GRAMD1C: variants seen among roughly 807,000 people sequenced by gnomAD.
The protein encoded by GRAMD1C is GRAM domain containing 1C, also known as protein Aster-C.
In GRAMD1C, 89 loss-of-function variants were observed where a neutral mutation model predicts 97.8. That is an observed-to-expected ratio of 0.91 (90% CI 0.77 to 1.09). GRAMD1C has a LOEUF of 1.09. GRAMD1C is among the 50% of genes least tolerant of loss of function. GRAMD1C has a pLI of 0.00. For synonymous variants in GRAMD1C, 256 were observed against 267.0 expected (o/e 0.96, Z 0.40); for missense variants, 740 against 766.4 (o/e 0.97, Z 0.41).
At chr3:113,936,734 G>A (rs1486981069) in intron 14 of GRAMD1C, 2 of 195,146 alleles carry the variant, frequency 1.0e-5, no homozygotes, top group South Asian at 1.1e-4. Context: ...ATAGGGTCTC[G>A]TTCTGTTGCC....
chr3:113,946,254 C>G lies in GRAMD1C; in HGVS notation c.*776C>G, dbSNP rs1938070284. On this transcript the variant is annotated 3_prime_UTR_variant, in exon 18 of 18. Transcript: ENST00000358160. ...GTGACAGATCAAATGCATACTTGAA[C>G]TAAGATTGGCTTCAGCTTAGCAGTC... 4 of 152,602 alleles carry G rather than the reference C, an allele frequency of 2.6e-5. No homozygotes were observed. The highest frequency in any genetic ancestry group is 2.0e-4 in the Admixed American group (3 of 15,280). The allele number at this position is 152,602 out of a possible 1,614,324, so 9.5% of individuals were successfully genotyped here.
chr3:113,908,868 A>G (rs946549946), intron 8 of GRAMD1C, 90 bp from the exon 9 acceptor site: 12 of 678,514 alleles, frequency 1.8e-5, no homozygotes, highest in Non-Finnish European at 2.5e-5. Context: ...AAAGCTCAAT[A>G]TTTCAAAGTA....
At chr3:113,904,378 C>A in intron 8 of GRAMD1C, 106 bp downstream of exon 8, 2 of 790,196 alleles carry the variant, frequency 2.5e-6, no homozygotes, top group Non-Finnish European at 4.0e-6. Context: ...AATAAGATAT[C>A]AGACTCCTAC....
At chr3:113,942,335 G>A (rs572448618) in intron 17 of GRAMD1C, among the ~76,000 whole-genome samples, 2 of 151,732 alleles carry the variant, frequency 1.3e-5, no homozygotes, top group South Asian at 2.1e-4. Context: ...CTTCACCCTC[G>A]TTTTAATTTC....
chr3:113,862,322 C>T (rs917860369), intron 2 of GRAMD1C, among the ~76,000 whole-genome samples: 2 of 152,142 alleles, frequency 1.3e-5, no homozygotes, highest in South Asian at 2.1e-4. Flanking sequence ...CCTAAAGCGG[C>T]CATTTCAGAG....
chr3:113,856,621 C>A (rs1455547733), intron 2 of GRAMD1C, among the ~76,000 whole-genome samples: 1 of 152,172 alleles, frequency 6.6e-6, no homozygotes, highest in African/African-American at 2.4e-5. Context: ...CTCACTGCAG[C>A]CTCCACCTCC....
At chr3:113,919,583 A>G (rs951047006) in intron 10 of GRAMD1C, 1 of 579,098 alleles carries the variant, frequency 1.7e-6, no homozygotes, top group African/African-American at 1.9e-5. Flanking sequence ...TGCATCTGAC[A>G]TCGGTGCCAG....
At chr3:113,942,779 A>G (rs1259002338) in intron 17 of GRAMD1C, among the ~76,000 whole-genome samples, 4 of 152,168 alleles carry the variant, frequency 2.6e-5, no homozygotes, top group African/African-American at 7.2e-5. Context: ...CTGCCTAGGT[A>G]GTAGGAAAGG....
intron 10 of GRAMD1C, among the ~76,000 whole-genome samples, chr3:113,924,093 T>TTG (rs1297817361): frequency 8.6e-5 from 9 of 104,724 alleles, no homozygotes; most frequent in Middle Eastern, 3.8e-3. Context: ...TCTCTGGGGT[T>TTG]TTTTTTTTTT....
chr3:113,869,134 T>C (rs1277288220), intron 2 of GRAMD1C, among the ~76,000 whole-genome samples: 1 of 152,094 alleles, frequency 6.6e-6, no homozygotes, highest in East Asian at 1.9e-4. Flanking sequence ...AGAAGGGTAA[T>C]GGGAACAGGC....
chr3:113,920,056 T>G, intron 10 of GRAMD1C: 1 of 991,630 alleles, frequency 1.0e-6, no homozygotes, highest in East Asian at 2.5e-5. Flanking sequence ...TGTTTGTTGA[T>G]GAGGAAGACT....
intron 9 of GRAMD1C, among the ~76,000 whole-genome samples, chr3:113,914,796 C>T (rs1936741871): frequency 6.6e-6 from 1 of 151,856 alleles, no homozygotes. Flanking sequence ...CCAGGTCAGT[C>T]ACTCACTAGC....
intron 6 of GRAMD1C, among the ~76,000 whole-genome samples, chr3:113,891,579 T>C (rs1487210521): frequency 2.0e-5 from 3 of 152,082 alleles, no homozygotes; most frequent in Non-Finnish European, 4.4e-5. Flanking sequence ...ATACATTTGA[T>C]ATATATTAAA....
chr3:113,940,427 T>A, intron 17 of GRAMD1C, 82 bp downstream of exon 17: 1 of 792,162 alleles, frequency 1.3e-6, no homozygotes, highest in Non-Finnish European at 2.2e-6. Context: ...AGAGAATATT[T>A]ACCCTACTAT....
chr3:113,940,622 G>A (rs538092675), intron 17 of GRAMD1C, among the ~76,000 whole-genome samples: 27 of 150,530 alleles, frequency 1.8e-4, no homozygotes, highest in Non-Finnish European at 3.9e-4. Context: ...CCATATCAGT[G>A]TGTATACATC....
At chr3:113,881,583 C>T (rs773535924) in intron 5 of GRAMD1C, among the ~76,000 whole-genome samples, 2 of 152,036 alleles carry the variant, frequency 1.3e-5, no homozygotes, top group African/African-American at 2.4e-5. Flanking sequence ...GGTGGTTGTG[C>T]GTGAGAGTGG....
chr3:113,902,110 G>A (rs1280299281), intron 7 of GRAMD1C, among the ~76,000 whole-genome samples: 1 of 152,192 alleles, frequency 6.6e-6, no homozygotes, highest in Non-Finnish European at 1.5e-5. Context: ...ATTTTGTGGT[G>A]TGTGGATTAT....
chr3:113,877,892 C>G (rs949340006), intron 5 of GRAMD1C, among the ~76,000 whole-genome samples: 2 of 152,082 alleles, frequency 1.3e-5, no homozygotes, highest in Non-Finnish European at 2.9e-5. Flanking sequence ...ATTCCCCTGC[C>G]TCAGCCTCCC....
intron 6 of GRAMD1C, among the ~76,000 whole-genome samples, chr3:113,892,366 G>A (rs1279051296): frequency 6.6e-6 from 1 of 152,100 alleles, no homozygotes; most frequent in Non-Finnish European, 1.5e-5. Flanking sequence ...CAGCTACTCG[G>A]GAGGCTGAGG....
Sources: allele counts gnomAD v4.1 joint callset (sites outside exome capture counted in the v4.1 genomes callset), GRCh38; gene constraint gnomAD v4.1.1; transcripts MANE v1.5; gene names NCBI Gene and HGNC (gene_info 2026-07-23, HGNC 2026-07-21).